OBSL1: variants seen among roughly 807,000 people sequenced by gnomAD.
OBSL1 encodes obscurin like cytoskeletal adaptor 1.
In OBSL1, 160 loss-of-function variants were observed where a neutral mutation model predicts 172.0. That is an observed-to-expected ratio of 0.93 (90% CI 0.82 to 1.06). The LOEUF (loss-of-function observed/expected upper bound fraction) is 1.06, where lower values mean the gene tolerates loss of function less well. Among genes scored for constraint, OBSL1 ranks in the 50% least tolerant of loss-of-function variants. The pLI, the probability that OBSL1 is intolerant of heterozygous loss-of-function variation, is 0.00. For synonymous variants in OBSL1, 1,200 were observed against 1,196.3 expected (o/e 1.00, Z -0.06); for missense variants, 2,681 against 2,715.4 (o/e 0.99, Z 0.28).
chr2:219,559,798 C>G (rs1279937244), intron 8 of OBSL1, among the ~76,000 whole-genome samples: 1 of 152,144 alleles, frequency 6.6e-6, no homozygotes, highest in Non-Finnish European at 1.5e-5. Flanking sequence ...ATAACACATA[C>G]TACATTCACC....
At chr2:219,551,111 C>A in intron 20 of OBSL1, 2 of 1,408,386 alleles carry the variant, frequency 1.4e-6, no homozygotes, top group Non-Finnish European at 1.8e-6. Flanking sequence ...AGGCTTCTGC[C>A]AAGGCTGACA....
intron 1 of OBSL1, chr2:219,569,206 G>C (rs1420794666): frequency 6.6e-6 from 1 of 152,104 alleles, no homozygotes; most frequent in Admixed American, 6.6e-5. Context: ...CCTTCCCTCC[G>C]GGCTTTTCTT....
intron 8 of OBSL1, chr2:219,561,582 A>T (rs1696470456): frequency 2.3e-6 from 1 of 429,336 alleles, no homozygotes; most frequent in South Asian, 2.4e-5. Context: ...GCAGTCCTAG[A>T]GGGAAGCGGC....
Position 219,553,043 on chromosome 2 carries a change from G to A in OBSL1, c.4990-19C>T. On this transcript the variant is annotated intron_variant, in intron 16 of 20. Coordinates refer to ENST00000404537, the MANE Select transcript of OBSL1 (RefSeq NM_015311.3). ...TCCCGTCCTAGGGGCGGGAGTTGCA[G>A]AGGGTCGGGGCGAGCCCGGCTGGGC... The A allele has an allele frequency of 6.8e-7, 1 of 1,477,978 alleles. No individual in the cohort carries two copies. The highest frequency in any genetic ancestry group is 1.3e-5 in the South Asian group (1 of 75,122). The allele number at this position is 1,477,978 out of a possible 1,614,324, so 91.6% of individuals were successfully genotyped here.
chr2:219,559,133 G>A, intron 9 of OBSL1, 92 bp downstream of exon 9: 6 of 1,245,792 alleles, frequency 4.8e-6, no homozygotes, highest in Non-Finnish European at 6.7e-6. Flanking sequence ...GGGGAAGGCT[G>A]GGGATGGGGT....
Position 219,571,122 on chromosome 2 carries a change from C to A in OBSL1, c.111G>T (p.Gly37=). 6.8e-7 allele frequency: 1 copy of A among 1,479,980 alleles called. No homozygotes were observed. The highest frequency in any genetic ancestry group is 8.9e-7 in the Non-Finnish European group (1 of 1,121,086). 91.7% of individuals were successfully genotyped at this position (1,479,980 alleles called of 1,614,324 possible). A position where few individuals can be genotyped will look rare whatever the true frequency, so the allele number is the denominator to read the frequency against. ...CCCACACCACTACAGGCGGCGGCTC[C>A]CCCAGGACCACGCACTTGAGCTCGG... ...AEAELKCVVL[G]EPPPVVVWEK... Residue 37 remains glycine, a synonymous_variant, in exon 1 of 21, where the codon GGG becomes GGT. Transcript: ENST00000404537.
In OBSL1 at chr2:219,571,155, G is replaced by A; in HGVS notation, c.78C>T (p.Gly26=). 2 of 1,488,016 alleles carry A rather than the reference G, an allele frequency of 1.3e-6. No individual in the cohort carries two copies. The highest frequency in any genetic ancestry group is 1.3e-5 in the South Asian group (1 of 78,002). 92.2% of individuals were successfully genotyped at this position (1,488,016 alleles called of 1,614,324 possible). Residue 26 remains glycine, a synonymous_variant, in exon 1 of 21, where the codon GGC becomes GGT. Coordinates refer to ENST00000404537, the MANE Select transcript of OBSL1 (RefSeq NM_015311.3). ...CCACGCACTTGAGCTCGGCCTCGGC[G>A]CCACTTACCACCCGCACAGGCCGCG... ...RFPRPVRVVS[G]AEAELKCVVL...
chr2:219,564,134 G>A (rs1696700195), intron 6 of OBSL1, among the ~76,000 whole-genome samples: 1 of 152,238 alleles, frequency 6.6e-6, no homozygotes, highest in Non-Finnish European at 1.5e-5. Flanking sequence ...CACTCAGTGA[G>A]ATGAGTGGGA....
downstream of OBSL1, chr2:219,549,239 C>T (rs768741586): frequency 6.2e-7 from 1 of 1,613,870 alleles, no homozygotes; most frequent in Non-Finnish European, 8.5e-7. Flanking sequence ...AAAAAGAGAC[C>T]TCCTCGGGCT....
At chr2:219,561,190 G>A (rs1054155633) in intron 8 of OBSL1, among the ~76,000 whole-genome samples, 2 of 152,148 alleles carry the variant, frequency 1.3e-5, no homozygotes, top group Non-Finnish European at 2.9e-5. Context: ...CATGGGGCGT[G>A]ACTTTCAGGG....
chr2:219,550,583 C>A (rs1056091335), downstream of OBSL1: 5 of 552,054 alleles, frequency 9.1e-6, no homozygotes, highest in Non-Finnish European at 1.3e-5. Context: ...AACTGTGTGG[C>A]CTCTGCCAGG....
rs548534382 is a variant in OBSL1, at chr2:219,567,267, A to G, written c.1837+6T>C. The G allele has an allele frequency of 2.5e-6, 4 of 1,585,402 alleles. No homozygotes were observed. The African/African-American group carries it at 4.0e-5, about 16-fold the overall frequency. Reference sequence around the variant, plus strand: ...GTGATGGGTGGGTCTGGCAGGACCAACTCACCAAGGTGAGCAGAACCGTGG... The same window carrying G: ...GTGATGGGTGGGTCTGGCAGGACCAGCTCACCAAGGTGAGCAGAACCGTGG... On this transcript the variant is annotated splice_donor_region_variant and intron_variant, in intron 4 of 20. Transcript: ENST00000404537.
In OBSL1 at chr2:219,556,669, C is replaced by T. The variant is rs1338336604; in HGVS notation, c.4121G>A (p.Gly1374Asp). The T allele has an allele frequency of 6.2e-7, 1 of 1,611,410 alleles. No homozygotes were observed. Among genetic ancestry groups the T allele is most frequent in the East Asian group, 2.2e-5 (1 of 44,798 alleles). ...SELTPLTVHE[G>D]DDATFRCEVS... ...TTCACACCGGAACGTGGCATCATCG[C>T]CCTCGTGGACAGTGAGTGGTGTCAG... The change falls in exon 13 of 21, where the codon GGC becomes GAC. Residue 1374 changes from glycine to aspartate, a missense_variant. By Grantham distance (94) the Gly-to-Asp change is moderately conservative. Transcript: ENST00000404537.
chr2:219,565,107 T>G, intron 6 of OBSL1, 135 bp downstream of exon 6: 1 of 902,946 alleles, frequency 1.1e-6, no homozygotes, highest in Non-Finnish European at 1.6e-6. Context: ...CAGAGTTATC[T>G]GAAACATGTC....
rs988160002 is a variant in OBSL1, at chr2:219,555,781, A to G, written c.4609+239T>C. The G allele has an allele frequency of 6.0e-5, 83 of 1,379,278 alleles. No individual in the cohort carries two copies. The South Asian group carries it at 1.5e-3, about 25-fold the overall frequency. 85.4% of individuals were successfully genotyped at this position (1,379,278 alleles called of 1,614,324 possible). A position where few individuals can be genotyped will look rare whatever the true frequency, so the allele number is the denominator to read the frequency against. On this transcript the variant is annotated intron_variant, in intron 14 of 20. Coordinates refer to ENST00000404537, the MANE Select transcript of OBSL1 (RefSeq NM_015311.3). ...GTCTTTCTGGAGAATATTTGTGTTTATAGCAAAGCCGACTTGGAAATATGC... is the reference window on the plus strand; with the variant it reads ...GTCTTTCTGGAGAATATTTGTGTTTGTAGCAAAGCCGACTTGGAAATATGC...
intron 16 of OBSL1, 26 bp from the exon 17 acceptor site, chr2:219,553,050 G>A: frequency 6.8e-7 from 1 of 1,461,530 alleles, no homozygotes; most frequent in South Asian, 1.4e-5. Flanking sequence ...GCAGAGGGTC[G>A]GGGCGAGCCC....
intron 16 of OBSL1, 43 bp from the exon 17 acceptor site, chr2:219,553,067 G>C (rs1021783276): frequency 7.0e-7 from 1 of 1,424,614 alleles, no homozygotes; most frequent in Non-Finnish European, 9.1e-7. Flanking sequence ...GCCCGGCTGG[G>C]CACAGGCGAC....
rs369804300 is a variant in OBSL1, at chr2:219,562,435, C to G, written c.2920G>C (p.Asp974His). Residue 974 changes from aspartate to histidine, a missense_variant, in exon 8 of 21, where the codon GAT (aspartate) becomes CAT (histidine). By Grantham distance (81) the Asp-to-His change is moderately conservative. Transcript: ENST00000404537. ...DSGEYLCEID[D>H]ESASFTVTVT... ...GTGACAGTGAAGGAGGCCGACTCAT[C>G]GTCAATTTCACACAAGTACTCGCCG... 1 of 1,613,944 alleles carries G rather than the reference C, an allele frequency of 6.2e-7. No homozygotes were observed. The highest frequency in any genetic ancestry group is 8.5e-7 in the Non-Finnish European group (1 of 1,179,870).
At chr2:219,567,681 C>T (rs747503778) in intron 3 of OBSL1, 37 bp downstream of exon 3, 1 of 1,595,124 alleles carries the variant, frequency 6.3e-7, no homozygotes, top group Non-Finnish European at 8.6e-7. Flanking sequence ...CAACCTCCTG[C>T]CCTGCCTCGC....
Sources: gnomAD v4.1 joint callset for allele counts (sites outside exome capture counted in the v4.1 genomes callset) on GRCh38, gnomAD v4.1.1 for gene constraint, MANE v1.5 for transcripts, NCBI Gene and HGNC (gene_info 2026-07-23, HGNC 2026-07-21) for gene names.